SHROOM2: variants seen among roughly 807,000 people sequenced by gnomAD.
SHROOM2 encodes the protein shroom family member 2.
SHROOM2 carries 33 observed loss-of-function variants against 75.9 expected under a neutral mutation model. The observed-to-expected ratio is 0.43, with a 90% confidence interval of 0.33 to 0.58. The LOEUF is 0.58. Among genes scored for constraint, SHROOM2 ranks in the 20% least tolerant of loss-of-function variants. SHROOM2 has a pLI of 0.04. For synonymous variants in SHROOM2, 655 were observed against 663.6 expected, an observed-to-expected ratio of 0.99 and a Z score of 0.20; for missense variants, 1,434 against 1,461.2, an observed-to-expected ratio of 0.98 and a Z score of 0.30.
chrX:9,944,971 T>C (rs2084805953), intron 9 of SHROOM2, 58 bp downstream of exon 9: 3 of 1,119,899 alleles, frequency 2.7e-6, no homozygotes, highest in Non-Finnish European at 2.4e-6. Context: ...AAGGCTGTTT[T>C]TCAAGTGTCG....
intron 1 of SHROOM2, among the ~76,000 whole-genome samples, chrX:9,806,351 G>A (rs992313915): frequency 9.1e-6 from 1 of 109,604 alleles, no homozygotes; most frequent in Non-Finnish European, 1.9e-5. Context: ...AAAATGTTTC[G>A]AGATAACATT....
intron 5 of SHROOM2, among the ~76,000 whole-genome samples, chrX:9,914,021 C>T (rs2084459569): frequency 9.2e-6 from 1 of 109,193 alleles, no homozygotes; most frequent in Non-Finnish European, 1.9e-5. Context: ...ACATTTTATA[C>T]TTTGTCCCTT....
At chrX:9,854,048 G>A in intron 1 of SHROOM2, among the ~76,000 whole-genome samples, 1 of 112,372 alleles carries the variant, frequency 8.9e-6, no homozygotes, top group East Asian at 2.8e-4. Context: ...GTACACGTAG[G>A]GATGTGGGTA....
chrX:9,794,226 C>T (rs2083682665), intron 1 of SHROOM2, among the ~76,000 whole-genome samples: 2 of 112,048 alleles, frequency 1.8e-5, no homozygotes, highest in Middle Eastern at 4.6e-3. Flanking sequence ...ACAAACAACT[C>T]TGCGTGTAGC....
At chrX:9,840,039 T>G (rs2083971639) in intron 1 of SHROOM2, among the ~76,000 whole-genome samples, 1 of 111,729 alleles carries the variant, frequency 9.0e-6, no homozygotes, top group Admixed American at 9.5e-5. Context: ...TGAAGGGCTG[T>G]GCTGTTGATT....
At chrX:9,855,294 G>GT (rs201226737) in intron 1 of SHROOM2, among the ~76,000 whole-genome samples, 580 of 4,817 alleles carry the variant, frequency 0.12, 49 homozygotes, top group Admixed American at 0.41. Context: ...TTAAAGTATA[G>GT]TAAAAAAAAA....
chrX:9,812,833 G>A (rs1412767157), intron 1 of SHROOM2, among the ~76,000 whole-genome samples: 1 of 112,441 alleles, frequency 8.9e-6, no homozygotes, highest in African/African-American at 3.2e-5. Context: ...GGTGGGCCTT[G>A]TGGACAGGAA....
intron 4 of SHROOM2, 27 bp from the exon 5 acceptor site, chrX:9,898,163 G>C: frequency 8.9e-7 from 1 of 1,119,088 alleles, no homozygotes; most frequent in Non-Finnish European, 1.2e-6. Flanking sequence ...TTGAGGACTT[G>C]GTGTCTCATT....
At chrX:9,844,610 C>T (rs1260461438) in intron 1 of SHROOM2, among the ~76,000 whole-genome samples, 1 of 110,947 alleles carries the variant, frequency 9.0e-6, no homozygotes, top group Non-Finnish European at 1.9e-5. Context: ...GTCAGGAGTT[C>T]GAGACCAGCC....
chrX:9,841,180 T>C (rs908236516), intron 1 of SHROOM2, among the ~76,000 whole-genome samples: 1 of 112,045 alleles, frequency 8.9e-6, no homozygotes, highest in African/African-American at 3.2e-5. Flanking sequence ...AGTCTCAAAC[T>C]CCTGACCTCA....
At chrX:9,853,595 C>T (rs1311512956) in intron 1 of SHROOM2, among the ~76,000 whole-genome samples, 1 of 111,471 alleles carries the variant, frequency 9.0e-6, no homozygotes, top group Non-Finnish European at 1.9e-5. Context: ...CCACATAGTT[C>T]TCCCCTGTTT....
At chrX:9,809,646 T>C (rs150835960) in intron 1 of SHROOM2, among the ~76,000 whole-genome samples, 2,585 of 112,444 alleles carry the variant, frequency 0.023, 33 homozygotes, top group Middle Eastern at 0.051. Context: ...ATAAAGCTGA[T>C]AATACTTAAA....
At chrX:9,822,530 A>G (rs1253929356) in intron 1 of SHROOM2, among the ~76,000 whole-genome samples, 2 of 112,770 alleles carry the variant, frequency 1.8e-5, no homozygotes, top group Non-Finnish European at 3.8e-5. Context: ...CAGTATCCGC[A>G]TCTGGTGCAG....
chrX:9,844,585 G>A (rs753894376), intron 1 of SHROOM2, among the ~76,000 whole-genome samples: 9 of 111,101 alleles, frequency 8.1e-5, no homozygotes, highest in Non-Finnish European at 1.5e-4. Flanking sequence ...GGCCAAGGTG[G>A]GCAGATCACC....
intron 1 of SHROOM2, among the ~76,000 whole-genome samples, chrX:9,849,178 A>T (rs1449040803): frequency 9.0e-6 from 1 of 111,566 alleles, no homozygotes; most frequent in Non-Finnish European, 1.9e-5. Context: ...TCCTGGATGC[A>T]CCCAAGGACC....
chrX:9,905,005 A>G (rs2084384150), intron 5 of SHROOM2, among the ~76,000 whole-genome samples: 1 of 111,907 alleles, frequency 8.9e-6, no homozygotes, highest in Non-Finnish European at 1.9e-5. Context: ...GCGCCAGCAC[A>G]CCTAGCTAAT....
intron 1 of SHROOM2, among the ~76,000 whole-genome samples, chrX:9,824,933 C>G (rs1056705315): frequency 9.0e-5 from 10 of 111,481 alleles, no homozygotes; most frequent in Non-Finnish European, 1.9e-4. Context: ...TCCCTGGGAC[C>G]CCCATCTCGA....
rs753344457 is a variant in SHROOM2 at position 9,902,752 on chromosome X, TG to T, written c.2891+4465del. Among the ~76,000 whole-genome samples, 18 of 111,946 alleles carry T rather than the reference TG, an allele frequency of 1.6e-4. No homozygotes were observed. In the South Asian group the frequency reaches 6.7e-3, roughly 42 times the overall value. The stretch of plus-strand genomic sequence containing the variant: ...GAGGCCTTGGGTGAGGACTGTGTTC[TG>T]GGTGGCTCCAGAGACTGGCACTGAA... On this transcript the variant is annotated intron_variant, in intron 5 of 9. Transcript: ENST00000380913.
chrX:9,786,496 G>A lies in SHROOM2; in HGVS notation c.-50G>A. On this transcript the variant is annotated 5_prime_UTR_variant, in exon 1 of 10. Transcript: ENST00000380913. ...GCCTCCCTTGCGATCCCACGGCCGGGACTGCCCGGAGTGCATGGGCGCGGG... is the reference window on the plus strand; with the variant it reads ...GCCTCCCTTGCGATCCCACGGCCGGAACTGCCCGGAGTGCATGGGCGCGGG... The A allele has an allele frequency of 2.4e-6, 2 of 832,503 alleles. No individual in the cohort carries two copies. The highest frequency in any genetic ancestry group is 2.9e-6 in the Non-Finnish European group (2 of 683,938). 68.6% of individuals were successfully genotyped at this position (832,503 alleles called of 1,213,427 possible). A position where few individuals can be genotyped will look rare whatever the true frequency, so the allele number is the denominator to read the frequency against.
Sources: allele counts gnomAD v4.1 joint callset (sites outside exome capture counted in the v4.1 genomes callset), GRCh38; gene constraint gnomAD v4.1.1; transcripts MANE v1.5; gene names NCBI Gene and HGNC (gene_info 2026-07-23, HGNC 2026-07-21).